PIK3CD: variants seen among roughly 807,000 people sequenced by gnomAD.
The protein encoded by PIK3CD is phosphatidylinositol 4,5-bisphosphate 3-kinase catalytic subunit delta isoform.
A neutral mutation model predicts 122.9 loss-of-function variants in PIK3CD; 20 were observed. The observed-to-expected ratio is 0.16, with a 90% CI of 0.11 to 0.24. The LOEUF (loss-of-function observed/expected upper bound fraction) is 0.24. Among genes scored for constraint, PIK3CD ranks in the 10% least tolerant of loss-of-function variants. The pLI is 1.00. For synonymous variants in PIK3CD, 596 were observed against 593.4 expected (o/e 1.00, Z -0.06); for missense variants, 787 against 1,406.3 (o/e 0.56, Z 7.04).
chr1:9,632,396 T>C, the PIK3CD span, among the ~76,000 whole-genome samples: 1 of 151,858 alleles, frequency 6.6e-6, no homozygotes, highest in Non-Finnish European at 1.5e-5. Flanking sequence ...GCAAGGATAA[T>C]GCACTACAGC....
At chr1:9,634,441 C>T in the PIK3CD span, among the ~76,000 whole-genome samples, 9 of 152,126 alleles carry the variant, frequency 5.9e-5, no homozygotes, top group Admixed American at 6.6e-5. Context: ...GGATTACAGG[C>T]GTGAGCTTCC....
intron 2 of PIK3CD, among the ~76,000 whole-genome samples, chr1:9,707,800 G>T (rs1288122086): frequency 2.8e-5 from 4 of 142,790 alleles, no homozygotes; most frequent in Non-Finnish European, 4.6e-5. Flanking sequence ...TTATAATTTT[G>T]TTTTTTTTTT....
intron 1 of PIK3CD, chr1:9,687,518 A>T (rs1570232779): frequency 6.8e-6 from 1 of 146,822 alleles, no homozygotes; most frequent in South Asian, 2.4e-4. Context: ...CTGCCCTCGG[A>T]TGTCTGCTGC....
the PIK3CD span, among the ~76,000 whole-genome samples, chr1:9,631,417 G>T: frequency 6.6e-6 from 1 of 152,250 alleles, no homozygotes; most frequent in Non-Finnish European, 1.5e-5. Flanking sequence ...CATTTTGGGA[G>T]GCCAAGGCAG....
At position 9,724,782 on chromosome 1, in the gene PIK3CD, T is replaced by G. The variant is rs1243287392; in HGVS notation, c.2865-22T>G. On this transcript the variant is annotated intron_variant, in intron 22 of 23. Coordinates refer to ENST00000377346, the MANE Select transcript of PIK3CD (RefSeq NM_005026.5). This position sits in a 1 kb window ranked among gnomAD's most constrained non-coding sequence, Gnocchi z 7.3. ...TGGCTGGGAGTTCCCAGAGCCTCAC[T>G]TCCTCTGTCCCCTACCTGCAGGTTC... 6.2e-7 allele frequency: 1 copy of G among 1,611,930 alleles called. No individual in the cohort carries two copies. Among genetic ancestry groups the G allele is most frequent in the African/African-American group, 1.3e-5 (1 of 74,876 alleles).
At chr1:9,682,005 C>T (rs994221687) in intron 1 of PIK3CD, among the ~76,000 whole-genome samples, 3 of 152,096 alleles carry the variant, frequency 2.0e-5, no homozygotes, top group Non-Finnish European at 4.4e-5. Context: ...CAGCTTTTCC[C>T]AACTGCAGCT....
At chr1:9,698,613 T>C (rs1646509011) in intron 2 of PIK3CD, among the ~76,000 whole-genome samples, 1 of 152,254 alleles carries the variant, frequency 6.6e-6, no homozygotes, top group Non-Finnish European at 1.5e-5. Flanking sequence ...CCTTATCACT[T>C]TCACAAACAA....
At chr1:9,655,842 G>T (rs1189646467) in intron 1 of PIK3CD, among the ~76,000 whole-genome samples, 1 of 151,764 alleles carries the variant, frequency 6.6e-6, no homozygotes, top group African/African-American at 2.4e-5. Flanking sequence ...AATTACAGAT[G>T]TGCGCCACTA....
chr1:9,727,454 C>A lies in PIK3CD; in HGVS notation c.*408C>A, dbSNP rs1189586527. ...CTACTGTCCGACAGGATGCCTTGAT[C>A]CTCGTGCGACCCACCCTGTGTATCC... On this transcript the variant is annotated 3_prime_UTR_variant, in exon 24 of 24. Transcript: ENST00000377346. The A allele has an allele frequency of 1.3e-5, 5 of 388,952 alleles. No individual in the cohort carries two copies. The highest frequency in any genetic ancestry group is 2.4e-5 in the Non-Finnish European group (5 of 204,820). 24.1% of individuals were successfully genotyped at this position (388,952 alleles called of 1,614,324 possible).
intron 2 of PIK3CD, among the ~76,000 whole-genome samples, chr1:9,699,251 G>A (rs1452827371): frequency 2.0e-5 from 3 of 152,106 alleles, no homozygotes; most frequent in Admixed American, 6.6e-5. Flanking sequence ...GGATGAGTTC[G>A]GGCATTTCGG....
At position 9,727,077 on chromosome 1, in the gene PIK3CD, G is replaced by A. The variant is rs768322463; in HGVS notation, c.*31G>A. The A allele has an allele frequency of 9.3e-6, 15 of 1,613,672 alleles. No homozygotes were observed. In the Middle Eastern group the frequency reaches 4.9e-4, roughly 53 times the overall value. On this transcript the variant is annotated 3_prime_UTR_variant, in exon 24 of 24. Coordinates refer to ENST00000377346, the MANE Select transcript of PIK3CD (RefSeq NM_005026.5). ...CCTCCCAGCCCTGGGCCCAAGAGGA[G>A]GCGGCTGCGGGTCGTGGGGACCAAG...
chr1:9,654,638 C>T lies in PIK3CD; in HGVS notation c.-138+2836C>T, dbSNP rs566281951. ...AACGGATGAAGCAATTCCCCTTTGG[C>T]TGGGTTATTTTCAAAACCATTTTTG... On this transcript the variant is annotated intron_variant, in intron 1 of 23. Transcript: ENST00000377346. 23 of 362,448 alleles carry T rather than the reference C, an allele frequency of 6.3e-5. No individual in the cohort carries two copies. In the Admixed American group the frequency reaches 8.3e-4, roughly 13 times the overall value. The allele number at this position is 362,448 out of a possible 1,614,324, so 22.5% of individuals were successfully genotyped here. A position where few individuals can be genotyped will look rare whatever the true frequency, so the allele number is the denominator to read the frequency against.
rs529727623 is a variant in PIK3CD, at chr1:9,724,452, C to T, written c.2864+31C>T. The T allele has an allele frequency of 1.2e-4, 200 of 1,613,634 alleles. 1 individual carries two copies. The South Asian group carries it at 2.1e-3, about 17-fold the overall frequency. ...AGTGCCTGAGCCCCACCAGATGCCC[C>T]TCGGTGTGGGGCCCCAGGGAACAGG... is the stretch of plus-strand genomic sequence containing the variant. On this transcript the variant is annotated intron_variant, in intron 22 of 23. Coordinates refer to ENST00000377346, the MANE Select transcript of PIK3CD (RefSeq NM_005026.5). This position sits in a 1 kb window ranked among gnomAD's most constrained non-coding sequence, Gnocchi z 7.3.
At chr1:9,701,237 G>A (rs1259159033) in intron 2 of PIK3CD, among the ~76,000 whole-genome samples, 1 of 152,038 alleles carries the variant, frequency 6.6e-6, no homozygotes, top group Admixed American at 6.6e-5. Flanking sequence ...CCCTGCTCCA[G>A]CTGTAGTGGC....
intron 1 of PIK3CD, chr1:9,662,755 C>T (rs997339784): frequency 6.6e-6 from 1 of 152,034 alleles, no homozygotes; most frequent in African/African-American, 2.4e-5. Context: ...GTGGCAAGAT[C>T]TCGGCTCACT....
intron 1 of PIK3CD, among the ~76,000 whole-genome samples, chr1:9,677,636 C>A (rs1185824168): frequency 2.8e-5 from 4 of 143,726 alleles, no homozygotes; most frequent in Admixed American, 7.0e-5. Flanking sequence ...AAAAGTGAGA[C>A]CCTGTCTAAA....
chr1:9,682,932 A>C (rs1645812219), intron 1 of PIK3CD, among the ~76,000 whole-genome samples: 1 of 151,082 alleles, frequency 6.6e-6, no homozygotes. Flanking sequence ...AGGAAAGGAG[A>C]TGTCTCTGCT....
At chr1:9,654,093 C>T (rs1241340680) in intron 1 of PIK3CD, 1 of 1,164,556 alleles carries the variant, frequency 8.6e-7, no homozygotes, top group East Asian at 5.7e-5. Flanking sequence ...TACAACAACC[C>T]AGTTGCCTGC....
At chr1:9,665,420 A>AT (rs1172873423) in intron 1 of PIK3CD, among the ~76,000 whole-genome samples, 1 of 150,966 alleles carries the variant, frequency 6.6e-6, no homozygotes, top group Non-Finnish European at 1.5e-5. Context: ...TGCCCGGCTA[A>AT]TTTTTTGTAT....
Sources: allele counts gnomAD v4.1 joint callset (sites outside exome capture counted in the v4.1 genomes callset), GRCh38; gene constraint gnomAD v4.1.1; non-coding constraint Gnocchi (gnomAD v3.1); transcripts MANE v1.5; gene names NCBI Gene and HGNC (gene_info 2026-07-23, HGNC 2026-07-21).